The following MYH13 variants were observed in gnomAD, a reference collection of about 807,000 sequenced individuals.
MYH13 encodes the protein myosin-13.
A neutral mutation model predicts 232.1 loss-of-function variants in MYH13; 177 were observed. That is an observed-to-expected ratio of 0.76 (90% confidence interval 0.67 to 0.86). The LOEUF is 0.86. Ranked by LOEUF, MYH13 falls within the 40% of genes least tolerant of loss-of-function variation. The probability of loss-of-function intolerance (pLI) is 0.00; values close to 1 mark genes in which losing one functional copy is unlikely to be tolerated. For synonymous variants in MYH13, 884 were observed against 923.5 expected, an observed-to-expected ratio of 0.96 and a Z score of 0.78; for missense variants, 2,246 against 2,405.9, an observed-to-expected ratio of 0.93 and a Z score of 1.39.
intron 12 of MYH13, among the ~76,000 whole-genome samples, chr17:10,347,799 A>C (rs1300791327): frequency 1.4e-5 from 2 of 144,986 alleles, no homozygotes; most frequent in African/African-American, 5.0e-5. Flanking sequence ...GCTCACTGCA[A>C]GCTCCGCCTC....
In MYH13 at chr17:10,369,981, C is replaced by T. The variant is rs78009383; in HGVS notation, c.-13+1228G>A. ...GATGGCTGTTCTGTGTTCTGCTTAG[C>T]TTTATCTTCTCCATGCTAAATAGCC... On this transcript the variant is annotated intron_variant, in intron 2 of 40. Coordinates refer to ENST00000252172, the MANE Select transcript of MYH13 (RefSeq NM_003802.3). 2.9e-3 allele frequency among the ~76,000 whole-genome samples: 445 copies of T among 152,332 alleles called. 19 individuals carry two copies. In the East Asian group the frequency reaches 0.067, roughly 23 times the overall value.
chr17:10,310,946 C>T (rs1354282535), intron 33 of MYH13, among the ~76,000 whole-genome samples, 157 bp downstream of exon 33: 1 of 152,162 alleles, frequency 6.6e-6, no homozygotes. Context: ...GATAAAGTAG[C>T]AGCCCGTGGA....
At chr17:10,322,935 A>G (rs376995053) in intron 23 of MYH13, among the ~76,000 whole-genome samples, 3 of 152,130 alleles carry the variant, frequency 2.0e-5, no homozygotes, top group African/African-American at 7.2e-5. Flanking sequence ...ACCTGGCCCT[A>G]TATTTCATTT....
intron 2 of MYH13, among the ~76,000 whole-genome samples, chr17:10,370,254 G>A (rs552918918): frequency 3.9e-4 from 60 of 152,326 alleles, no homozygotes; most frequent in African/African-American, 1.4e-3. Flanking sequence ...AATCCTCTCC[G>A]TGCATGCAGT....
intron 27 of MYH13, 22 bp from the exon 28 acceptor site, chr17:10,316,047 C>T (rs1906700448): frequency 1.2e-6 from 2 of 1,613,538 alleles, no homozygotes; most frequent in Non-Finnish European, 1.7e-6. Context: ...AGAAAGTCAA[C>T]ACGAATGGGA....
At chr17:10,360,293 C>A in intron 5 of MYH13, 105 bp from the exon 6 acceptor site, 2 of 1,318,426 alleles carry the variant, frequency 1.5e-6, no homozygotes, top group South Asian at 1.3e-5. Context: ...TAGTTAATGT[C>A]TTTGCCATTA....
In MYH13 at chr17:10,333,190, AC is replaced by A. The variant is rs1388591217; in HGVS notation, c.2057del (p.Gly686ValfsTer2). The A allele has an allele frequency of 6.5e-7, 1 of 1,543,296 alleles. No homozygotes were observed. The highest frequency in any genetic ancestry group is 2.0e-5 in the Admixed American group (1 of 50,980). ...GCATGACCAAGTAGTGGTCCATCAC[AC>A]CTGGAGAGAGAACGTCCCGGGGGTG... ...CLIPNETKTP[G>X]VMDHYLVMHQ... On this transcript the variant is annotated frameshift_variant and splice_region_variant, in exon 19 of 41. Transcript: ENST00000252172. LOFTEE classifies it high-confidence loss of function.
At chr17:10,343,356 C>G (rs889170459) in intron 16 of MYH13, among the ~76,000 whole-genome samples, 11 of 152,064 alleles carry the variant, frequency 7.2e-5, no homozygotes, top group African/African-American at 2.4e-4. Flanking sequence ...TGCCACCACA[C>G]TCGGCTAATT....
At chr17:10,320,082 A>T in intron 26 of MYH13, 71 bp downstream of exon 26, 1 of 1,136,238 alleles carries the variant, frequency 8.8e-7, no homozygotes. Context: ...TAAAGAAACA[A>T]GGGGGAAGGA....
In MYH13 at chr17:10,320,156, C is replaced by A. The variant is rs1478331782; in HGVS notation, c.3345G>T (p.Leu1115=). The A allele has an allele frequency of 1.3e-6, 2 of 1,580,782 alleles. No homozygotes were observed. The highest frequency in any genetic ancestry group is 2.3e-5 in the East Asian group (1 of 44,034). Residue 1115 remains leucine (L), a synonymous_variant, in exon 26 of 41, where the codon CTG becomes CTT. Transcript: ENST00000252172. ...SLQFQKKIKE[L]QARIEELEEE... is the part of the protein sequence containing the mutation. ...GGGAAGGTTTTGATGCTTTTACTTGCAGTTCTTTAATCTTCTTTTGAAACT... is the reference window on the plus strand; with the variant it reads ...GGGAAGGTTTTGATGCTTTTACTTGAAGTTCTTTAATCTTCTTTTGAAACT...
chr17:10,354,901 G>A lies in MYH13; in HGVS notation c.895C>T (p.Leu299=), dbSNP rs1383154734. Residue 299 remains leucine, a synonymous_variant, in exon 10 of 41, where the codon CTA becomes TTA. Coordinates refer to ENST00000252172, the MANE Select transcript of MYH13 (RefSeq NM_003802.3). The part of the protein sequence containing the change: ...YQIMSNKKPE[L]IDLLLISTNP... ...AGGTATTCCAAGAGCTTACCAATTA[G>A]TTCTGGCTTCTTGTTTGACATAATT... 4 of 1,599,520 alleles carry A rather than the reference G, an allele frequency of 2.5e-6. No individual in the cohort carries two copies. Among genetic ancestry groups the A allele is most frequent in the East Asian group, 2.2e-5 (1 of 44,794 alleles).
rs2277645 is a variant in MYH13 at position 10,328,181 on chromosome 17, A to T, written c.2436-60T>A. On this transcript the variant is annotated intron_variant, in intron 21 of 40. Coordinates refer to ENST00000252172, the MANE Select transcript of MYH13 (RefSeq NM_003802.3). The stretch of plus-strand genomic sequence containing the variant: ...AGCAAGGTCTGGTCTCTGCACCCCC[A>T]ACCTGTCCCCGACGGACCCCATCCT... 11,656 of 1,580,212 alleles carry T rather than the reference A, an allele frequency of 7.4e-3. 709 individuals carry two copies. In the African/African-American group the frequency reaches 0.14, roughly 19 times the overall value.
chr17:10,350,529 T>A, intron 12 of MYH13, 27 bp downstream of exon 12: 1 of 1,607,578 alleles, frequency 6.2e-7, no homozygotes, highest in Non-Finnish European at 8.5e-7. Flanking sequence ...ATGGACCCAA[T>A]CGCATCCCTT....
chr17:10,362,483 G>A lies in MYH13; in HGVS notation c.225C>T (p.Asp75=). The change falls in exon 4 of 41, where the codon GAC becomes GAT. Residue 75 remains aspartate (D), a synonymous_variant. Coordinates refer to ENST00000252172, the MANE Select transcript of MYH13 (RefSeq NM_003802.3). The part of the protein sequence containing the change: ...LDDRMLTLNN[D]QVFPMNPPKF... ...TGGGAGGGTTCATGGGGAAGACCTG[G>A]TCATTGTTCAGAGTGAGCATCTGGG... 4 of 1,614,156 alleles carry A rather than the reference G, an allele frequency of 2.5e-6. No individual in the cohort carries two copies. The highest frequency in any genetic ancestry group is 3.4e-6 in the Non-Finnish European group (4 of 1,180,024).
At chr17:10,361,682 T>C (rs902285828) in intron 5 of MYH13, among the ~76,000 whole-genome samples, 31 of 152,210 alleles carry the variant, frequency 2.0e-4, no homozygotes, top group African/African-American at 7.5e-4. Flanking sequence ...CATGACAGTG[T>C]TACCATGTCC....
intron 12 of MYH13, among the ~76,000 whole-genome samples, chr17:10,347,712 C>CTT (rs71139041): frequency 0.19 from 16,103 of 86,484 alleles, 1,445 homozygotes; most frequent in East Asian, 0.42. Flanking sequence ...GGGACTACTT[C>CTT]TTTTTTTTTT....
chr17:10,321,445 C>T (rs762805135), intron 24 of MYH13, 87 bp downstream of exon 24: 6 of 1,348,966 alleles, frequency 4.4e-6, no homozygotes, highest in Non-Finnish European at 6.1e-6. Flanking sequence ...AGTCTGACCT[C>T]TCAAGCCCTG....
Position 10,343,132 on chromosome 17 carries a change from G to A in MYH13, c.1894+668C>T, listed in dbSNP as rs560089076. ...AAAAATCTGCTCATGGGTTACGGGG[G>A]TGTGAAAAATGTTCTCAAATTCCAC... On this transcript the variant is annotated intron_variant, in intron 16 of 40. Coordinates refer to ENST00000252172, the MANE Select transcript of MYH13 (RefSeq NM_003802.3). Among the ~76,000 whole-genome samples the A allele has an allele frequency of 2.6e-3, 398 of 150,276 alleles. 8 individuals are homozygous for A. The highest frequency in any genetic ancestry group is 1.9e-3 in the South Asian group (9 of 4,744).
rs1321106497 is a variant in MYH13, at chr17:10,309,445, G to A, written c.4966-8C>T. On this transcript the variant is annotated splice_polypyrimidine_tract_variant and splice_region_variant and intron_variant, in intron 34 of 40. Transcript: ENST00000252172. ...GAGATGCAGCTGGGAGTCCTGCAGGGGAGACCCAGAGTGAGGCCAGAGCCG... is the reference window on the plus strand; with the variant it reads ...GAGATGCAGCTGGGAGTCCTGCAGGAGAGACCCAGAGTGAGGCCAGAGCCG... The A allele has an allele frequency of 1.2e-6, 2 of 1,600,252 alleles. No individual in the cohort carries two copies. The highest frequency in any genetic ancestry group is 1.7e-5 in the Admixed American group (1 of 58,230).
Sources: allele counts gnomAD v4.1 joint callset (sites outside exome capture counted in the v4.1 genomes callset), GRCh38; gene constraint gnomAD v4.1.1; transcripts MANE v1.5; gene names NCBI Gene and HGNC (gene_info 2026-07-23, HGNC 2026-07-21).